WNT3: variants seen among roughly 807,000 people sequenced by gnomAD.
WNT3 encodes the protein proto-oncogene Wnt-3.
A neutral mutation model predicts 34.2 loss-of-function variants in WNT3; 7 were observed. That is an observed-to-expected ratio of 0.20 (90% CI 0.12 to 0.38). WNT3 has a LOEUF of 0.38. Among genes scored for constraint, WNT3 ranks in the 10% least tolerant of loss-of-function variants. WNT3 has a pLI of 1.00. For synonymous variants in WNT3, 212 were observed against 211.5 expected (o/e 1.00, Z -0.02); for missense variants, 267 against 499.8 (o/e 0.53, Z 4.44).
intron 1 of WNT3, among the ~76,000 whole-genome samples, chr17:46,809,026 G>A (rs567868958): frequency 1.6e-4 from 25 of 152,290 alleles, no homozygotes; most frequent in Middle Eastern, 3.4e-3. Context: ...CCCCAGGTTG[G>A]GCTGCCTTTT....
intron 3 of WNT3, among the ~76,000 whole-genome samples, 164 bp downstream of exon 3, chr17:46,769,619 G>A (rs1805808950): frequency 6.6e-6 from 1 of 152,190 alleles, no homozygotes; most frequent in African/African-American, 2.4e-5. Flanking sequence ...AGGGTGGACA[G>A]ACGAAGTGGC....
At chr17:46,801,095 C>T (rs2084119336) in intron 1 of WNT3, among the ~76,000 whole-genome samples, 1 of 152,190 alleles carries the variant, frequency 6.6e-6, no homozygotes. Context: ...CTCACAATAG[C>T]CCTCGTTATC....
chr17:46,808,558 A>T (rs574215890), intron 1 of WNT3, among the ~76,000 whole-genome samples: 13 of 152,246 alleles, frequency 8.5e-5, no homozygotes, highest in African/African-American at 3.1e-4. Context: ...CCCAGGCTGC[A>T]CTGTGGGACT....
intron 4 of WNT3, among the ~76,000 whole-genome samples, chr17:46,764,852 C>G: frequency 6.6e-6 from 1 of 152,244 alleles, no homozygotes; most frequent in East Asian, 1.9e-4. Flanking sequence ...AGAATGGGAT[C>G]GAAATTCTAC....
chr17:46,817,843 C>G (rs1233481756), intron 1 of WNT3, among the ~76,000 whole-genome samples: 2 of 152,080 alleles, frequency 1.3e-5, no homozygotes, highest in Admixed American at 6.5e-5. Flanking sequence ...TCAAGGAACC[C>G]CCCTTTTGCC....
intron 1 of WNT3, among the ~76,000 whole-genome samples, chr17:46,788,086 A>C (rs1407551029): frequency 6.6e-6 from 1 of 152,154 alleles, no homozygotes; most frequent in Non-Finnish European, 1.5e-5. Flanking sequence ...GCTGAGGGGA[A>C]GGAAGTGGGA....
At chr17:46,810,510 C>G (rs1163801711) in intron 1 of WNT3, among the ~76,000 whole-genome samples, 1 of 152,192 alleles carries the variant, frequency 6.6e-6, no homozygotes, top group Non-Finnish European at 1.5e-5. Context: ...GATTATTCCA[C>G]CTGAAGCTCT....
chr17:46,763,469 G>T lies in WNT3; in HGVS notation c.*1161C>A, dbSNP rs564628709. ...GCAGGTGAGGGAGGAAGAGCTGGGG[G>T]AAAGAACTCTGTGTCTGTGTTTACT... On this transcript the variant is annotated 3_prime_UTR_variant, in exon 5 of 5. Transcript: ENST00000225512. The T allele has an allele frequency of 1.6e-4, 25 of 152,342 alleles. No homozygotes were observed. The highest frequency in any genetic ancestry group is 6.0e-4 in the African/African-American group (25 of 41,550). 9.4% of individuals were successfully genotyped at this position (152,342 alleles called of 1,614,324 possible).
At chr17:46,789,618 G>A (rs1400398600) in intron 1 of WNT3, among the ~76,000 whole-genome samples, 1 of 152,162 alleles carries the variant, frequency 6.6e-6, no homozygotes, top group Non-Finnish European at 1.5e-5. Flanking sequence ...AGGGACAGAG[G>A]AACAAACCAA....
chr17:46,770,174 G>A, intron 2 of WNT3, 126 bp from the exon 3 acceptor site: 11 of 1,296,936 alleles, frequency 8.5e-6, no homozygotes, highest in Admixed American at 2.8e-5. Context: ...CACCAGCCCT[G>A]AGGCAAGAGG....
intron 4 of WNT3, among the ~76,000 whole-genome samples, chr17:46,766,210 A>C (rs1169404698): frequency 2.0e-5 from 3 of 152,130 alleles, no homozygotes; most frequent in African/African-American, 7.2e-5. Context: ...GGAGTTCAAG[A>C]CCAGCCTGGC....
chr17:46,796,530 G>A (rs745652919), intron 1 of WNT3, among the ~76,000 whole-genome samples: 2 of 152,224 alleles, frequency 1.3e-5, no homozygotes, highest in African/African-American at 4.8e-5. Context: ...GCCCCTCTCA[G>A]AAGGAGTTGG....
chr17:46,798,334 G>A (rs1055393175), intron 1 of WNT3, among the ~76,000 whole-genome samples: 2 of 152,222 alleles, frequency 1.3e-5, no homozygotes, highest in Admixed American at 6.5e-5. Flanking sequence ...AGATGGACAC[G>A]ACGGCCTAGT....
rs934800029 is a variant in WNT3, at chr17:46,766,360, A to G, written c.*9-1739T>C. Among the ~76,000 whole-genome samples, 103 of 151,798 alleles carry G rather than the reference A, an allele frequency of 6.8e-4. 1 individual carries two copies. Among genetic ancestry groups the G allele is most frequent in the African/African-American group, 2.4e-3 (98 of 41,378 alleles). ...GTGGCGGAGGTTACAGTGAGCCGAGATTGCGCACTTCACTCCAGCCTGGGC... is the reference window on the plus strand; with the variant it reads ...GTGGCGGAGGTTACAGTGAGCCGAGGTTGCGCACTTCACTCCAGCCTGGGC... On this transcript the variant is annotated intron_variant, in intron 4 of 4. Coordinates refer to ENST00000225512, the MANE Select transcript of WNT3 (RefSeq NM_030753.5).
intron 1 of WNT3, among the ~76,000 whole-genome samples, chr17:46,804,836 G>C (rs554569458): frequency 6.6e-6 from 1 of 152,122 alleles, no homozygotes; most frequent in Non-Finnish European, 1.5e-5. Context: ...TTGTAAAATG[G>C]ACCAATCAGC....
At chr17:46,780,033 A>G (rs1333518104) in intron 1 of WNT3, among the ~76,000 whole-genome samples, 1 of 152,238 alleles carries the variant, frequency 6.6e-6, no homozygotes, top group African/African-American at 2.4e-5. Context: ...CTGGGATTAC[A>G]GGCGTAAGCC....
At chr17:46,766,160 G>C (rs981607104) in intron 4 of WNT3, among the ~76,000 whole-genome samples, 1 of 152,184 alleles carries the variant, frequency 6.6e-6, no homozygotes, top group Non-Finnish European at 1.5e-5. Flanking sequence ...TGTAATCCCA[G>C]CACTTTGAGG....
At chr17:46,787,982 G>A (rs2059526162) in intron 1 of WNT3, among the ~76,000 whole-genome samples, 1 of 150,698 alleles carries the variant, frequency 6.6e-6, no homozygotes, top group South Asian at 2.1e-4. Flanking sequence ...AAAAGATGTA[G>A]CCTCCACCCT....
chr17:46,810,553 C>T (rs1011286641), intron 1 of WNT3, among the ~76,000 whole-genome samples: 11 of 152,124 alleles, frequency 7.2e-5, no homozygotes, highest in Non-Finnish European at 4.4e-5. Flanking sequence ...GGCAGGTGGT[C>T]GTGTTATTAT....
Sources: allele counts gnomAD v4.1 joint callset (sites outside exome capture counted in the v4.1 genomes callset), GRCh38; gene constraint gnomAD v4.1.1; transcripts MANE v1.5; gene names NCBI Gene and HGNC (gene_info 2026-07-23, HGNC 2026-07-21).